CPVL: variants seen among roughly 807,000 people sequenced by gnomAD.
CPVL encodes the protein probable serine carboxypeptidase CPVL.
A neutral mutation model predicts 63.7 loss-of-function variants in CPVL; 51 were observed. That is an observed-to-expected ratio of 0.80 (90% CI 0.64 to 1.01). The LOEUF is 1.01. Among genes scored for constraint, CPVL ranks in the 50% least tolerant of loss-of-function variants. CPVL has a pLI of 0.00. For missense variants in CPVL, 530 were observed against 573.1 expected (o/e 0.92, Z 0.77); for synonymous variants, 195 against 206.0 (o/e 0.95, Z 0.46).
At position 28,995,724 on chromosome 7, in the gene CPVL, T is replaced by G. The variant is rs921118964; in HGVS notation, c.*48A>C. ...TATGACATTTTCTGTTTTTACGATT[T>G]TCTTTTCAGCAATGAAAACCTCTGA... is the stretch of plus-strand genomic sequence containing the variant. On this transcript the variant is annotated 3_prime_UTR_variant, in exon 13 of 13. Transcript: ENST00000265394. 6 of 1,125,158 alleles carry G rather than the reference T, an allele frequency of 5.3e-6. No individual in the cohort carries two copies. The African/African-American group carries it at 8.0e-5, about 15-fold the overall frequency. The allele number at this position is 1,125,158 out of a possible 1,614,324, so 69.7% of individuals were successfully genotyped here. A position where few individuals can be genotyped will look rare whatever the true frequency, so the allele number is the denominator to read the frequency against.
At chr7:29,100,883 T>C (rs1787048187) in intron 3 of CPVL, among the ~76,000 whole-genome samples, 2 of 152,140 alleles carry the variant, frequency 1.3e-5, no homozygotes, top group South Asian at 2.1e-4. Context: ...TTATCTGTAA[T>C]AAAACATAAA....
chr7:29,106,302 G>A (rs1173074856), intron 3 of CPVL, among the ~76,000 whole-genome samples: 3 of 152,108 alleles, frequency 2.0e-5, no homozygotes, highest in Admixed American at 6.5e-5. Context: ...CAGGGCTGTA[G>A]GGAGCCTGCT....
intron 12 of CPVL, among the ~76,000 whole-genome samples, chr7:29,023,128 C>G (rs912756708): frequency 6.6e-6 from 1 of 152,230 alleles, no homozygotes; most frequent in Non-Finnish European, 1.5e-5. Context: ...ACTTGCCAGC[C>G]TGGCCTACTG....
At chr7:29,026,017 T>A (rs962538531) in intron 12 of CPVL, among the ~76,000 whole-genome samples, 4 of 152,098 alleles carry the variant, frequency 2.6e-5, no homozygotes, top group Non-Finnish European at 5.9e-5. Context: ...ACATAATGCA[T>A]TTTTTTCTCA....
Position 29,129,176 on chromosome 7 carries a change from T to C in CPVL, c.-10-8105A>G, listed in dbSNP as rs1790409804. ...GAGGCCACTGTTATAACCCAAGAGA[T>C]ATGACAAAGGCTGGGGTCAAGGAGT... On this transcript the variant is annotated intron_variant, in intron 1 of 12. Coordinates refer to ENST00000265394, the MANE Select transcript of CPVL (RefSeq NM_031311.5). Among the ~76,000 whole-genome samples, 14 of 152,280 alleles carry C rather than the reference T, an allele frequency of 9.2e-5. No homozygotes were observed. The South Asian group carries it at 2.9e-3, about 32-fold the overall frequency.
chr7:29,035,899 T>C (rs968588358), intron 11 of CPVL, among the ~76,000 whole-genome samples: 4 of 152,096 alleles, frequency 2.6e-5, no homozygotes, highest in African/African-American at 9.7e-5. Context: ...GCACATTACC[T>C]AAGTAAAGGC....
intron 6 of CPVL, among the ~76,000 whole-genome samples, chr7:29,087,241 T>G (rs1055921170): frequency 6.6e-6 from 1 of 151,934 alleles, no homozygotes; most frequent in African/African-American, 2.4e-5. Context: ...CTAGCCAACA[T>G]AGTGAAACCC....
intron 12 of CPVL, among the ~76,000 whole-genome samples, chr7:28,997,472 C>T (rs1784200037): frequency 6.6e-6 from 1 of 152,166 alleles, no homozygotes; most frequent in Admixed American, 6.5e-5. Flanking sequence ...ATCTTACAAC[C>T]TTGACGTGCA....
chr7:29,185,729 AC>A (rs1216139561), intron 2 of CPVL: 1 of 152,014 alleles, frequency 6.6e-6, no homozygotes, highest in African/African-American at 2.4e-5. Context: ...TCTCATATAT[AC>A]CCCGAGTTGC....
At chr7:29,099,786 CAG>C (rs1474858381) in intron 3 of CPVL, among the ~76,000 whole-genome samples, 1 of 152,140 alleles carries the variant, frequency 6.6e-6, no homozygotes, top group Admixed American at 6.5e-5. Flanking sequence ...TGCTTGGAAG[CAG>C]AGTGAGCCGT....
chr7:29,106,764 T>A (rs1787759813), intron 3 of CPVL, among the ~76,000 whole-genome samples: 1 of 152,110 alleles, frequency 6.6e-6, no homozygotes, highest in Non-Finnish European at 1.5e-5. Context: ...ATATGCTAGT[T>A]GTCACAAGAT....
At chr7:29,139,688 G>A (rs1791650151) in intron 1 of CPVL, among the ~76,000 whole-genome samples, 1 of 152,142 alleles carries the variant, frequency 6.6e-6, no homozygotes, top group Non-Finnish European at 1.5e-5. Context: ...AGGCACACGT[G>A]TACACAAGAA....
At chr7:29,101,953 C>G (rs941204710) in intron 3 of CPVL, among the ~76,000 whole-genome samples, 8 of 152,088 alleles carry the variant, frequency 5.3e-5, no homozygotes, top group Admixed American at 2.6e-4. Context: ...CATTATTTTG[C>G]TCAACAGTAT....
intron 12 of CPVL, among the ~76,000 whole-genome samples, chr7:29,003,468 C>T (rs756860819): frequency 7.9e-5 from 12 of 152,044 alleles, no homozygotes; most frequent in East Asian, 1.9e-4. Context: ...AAAAGAAGTA[C>T]GAAAGACTGT....
intron 12 of CPVL, among the ~76,000 whole-genome samples, chr7:29,000,068 G>A (rs1372877060): frequency 6.6e-6 from 1 of 152,152 alleles, no homozygotes; most frequent in Non-Finnish European, 1.5e-5. Context: ...CTCCACACTA[G>A]AGCTGCAGCC....
chr7:29,192,761 T>G (rs1415852626), intron 1 of CPVL: 1 of 152,158 alleles, frequency 6.6e-6, no homozygotes, highest in African/African-American at 2.4e-5. Context: ...AGTAATTTGC[T>G]CAAGTTCGCA....
rs1230448557 is a variant in CPVL, at chr7:29,001,268, T to C, written c.1321-5386A>G. 7 of 152,314 alleles carry C rather than the reference T, an allele frequency of 4.6e-5. No homozygotes were observed. The East Asian group carries it at 1.4e-3, about 29-fold the overall frequency. 9.4% of individuals were successfully genotyped at this position (152,314 alleles called of 1,614,324 possible). A position where few individuals can be genotyped will look rare whatever the true frequency, so the allele number is the denominator to read the frequency against. ...CACCAGGAAAGAGAAAAGAGCCACA[T>C]GGGAGCTGCAAGTTTGGCAGGCAGA... On this transcript the variant is annotated intron_variant, in intron 12 of 12. Transcript: ENST00000265394.
intron 3 of CPVL, among the ~76,000 whole-genome samples, chr7:29,099,797 G>A (rs531318340): frequency 6.2e-4 from 95 of 152,330 alleles, no homozygotes; most frequent in Non-Finnish European, 2.8e-4. Flanking sequence ...AGAGTGAGCC[G>A]TGGAATTGGG....
At chr7:29,177,702 TCATCCATC>T (rs993855741) in intron 5 of CPVL, among the ~76,000 whole-genome samples, 3 of 151,910 alleles carry the variant, frequency 2.0e-5, no homozygotes, top group Non-Finnish European at 2.9e-5. Context: ...ATCTGTGCAG[TCATCCATC>T]CATCCATCCA....
Sources: gnomAD v4.1 joint callset for allele counts (sites outside exome capture counted in the v4.1 genomes callset) on GRCh38, gnomAD v4.1.1 for gene constraint, MANE v1.5 for transcripts, NCBI Gene and HGNC (gene_info 2026-07-23, HGNC 2026-07-21) for gene names.